Variants in LINGO3 observed in about 807,000 individuals in gnomAD.
LINGO3 encodes the protein leucine-rich repeat and immunoglobulin-like domain-containing nogo receptor-interacting protein 3.
For missense variants in LINGO3, 750 were observed against 867.7 expected (o/e 0.86, Z 1.70); for synonymous variants, 427 against 444.2 (o/e 0.96, Z 0.49).
the LINGO3 span, among the ~76,000 whole-genome samples, chr19:2,301,882 C>A: frequency 7.0e-6 from 1 of 142,396 alleles, no homozygotes; most frequent in Non-Finnish European, 1.5e-5. Context: ...GAGCTGAGAT[C>A]GCGCCACTGC....
At chr19:2,287,699 C>T (rs997597010), downstream of LINGO3, among the ~76,000 whole-genome samples, 1 of 152,182 alleles carries the variant, frequency 6.6e-6, no homozygotes, top group African/African-American at 2.4e-5. This position sits in a 1 kb window ranked among gnomAD's most constrained non-coding sequence, Gnocchi z 4.5. Context: ...CCAAGTCAAG[C>T]CATCAAGCTC....
the LINGO3 span, among the ~76,000 whole-genome samples, chr19:2,297,893 C>T: frequency 4.9e-4 from 74 of 151,852 alleles, no homozygotes; most frequent in African/African-American, 9.2e-4. Flanking sequence ...TGTGAGCCAC[C>T]GCGCCTGGCC....
chr19:2,299,806 CT>C, the LINGO3 span, among the ~76,000 whole-genome samples: 1 of 148,528 alleles, frequency 6.7e-6, no homozygotes, highest in African/African-American at 2.5e-5. Flanking sequence ...TCACTGCAAG[CT>C]TCGCCCCCTG....
downstream of LINGO3, chr19:2,289,651 T>A (rs560250478): frequency 5.3e-5 from 14 of 263,786 alleles, no homozygotes; most frequent in African/African-American, 2.9e-4. Context: ...TGGGTGTGAA[T>A]TGCGGGCCCT....
chr19:2,299,178 C>T, the LINGO3 span, among the ~76,000 whole-genome samples: 4 of 152,290 alleles, frequency 2.6e-5, no homozygotes, highest in South Asian at 8.3e-4. Context: ...CTGACTCCCC[C>T]ACTCGACGGC....
At chr19:2,292,356 C>A (rs1439864211), upstream of LINGO3, among the ~76,000 whole-genome samples, 1 of 139,860 alleles carries the variant, frequency 7.2e-6, no homozygotes, top group African/African-American at 2.7e-5. Context: ...TGTGATCGTG[C>A]CACTGCACTC....
the LINGO3 span, among the ~76,000 whole-genome samples, chr19:2,299,723 C>CTTTTT: frequency 1.2e-5 from 1 of 81,632 alleles, no homozygotes; most frequent in Non-Finnish European, 2.4e-5. Context: ...TGTGCCCTGC[C>CTTTTT]TTTTTTTTTT....
the LINGO3 span, among the ~76,000 whole-genome samples, chr19:2,302,177 T>G: frequency 6.9e-6 from 1 of 145,864 alleles, no homozygotes; most frequent in Non-Finnish European, 1.5e-5. Flanking sequence ...TTCTCCTGCC[T>G]CAGTCTCCTG....
the LINGO3 span, among the ~76,000 whole-genome samples, chr19:2,303,442 G>A: frequency 6.6e-6 from 1 of 152,120 alleles, no homozygotes; most frequent in Non-Finnish European, 1.5e-5. Flanking sequence ...ATGGGGAGCC[G>A]GGGTCAGCAG....
chr19:2,306,494 C>T, the LINGO3 span, among the ~76,000 whole-genome samples: 1 of 152,174 alleles, frequency 6.6e-6, no homozygotes, highest in Admixed American at 6.5e-5. Flanking sequence ...CTTCTATTCC[C>T]ACTCAGCAAG....
chr19:2,305,592 C>T, the LINGO3 span, among the ~76,000 whole-genome samples: 5 of 152,172 alleles, frequency 3.3e-5, no homozygotes, highest in Non-Finnish European at 5.9e-5. Context: ...CATCCCCCTC[C>T]AGTCCCCGCC....
chr19:2,291,514 T>G, exon 1 of LINGO3: 1 of 1,610,226 alleles, frequency 6.2e-7, no homozygotes, highest in South Asian at 1.1e-5. Context: ...CGCGATGGCG[T>G]TCTCGCTCAG....
At chr19:2,304,259 T>G in the LINGO3 span, among the ~76,000 whole-genome samples, 1 of 152,106 alleles carries the variant, frequency 6.6e-6, no homozygotes, top group Non-Finnish European at 1.5e-5. Context: ...GCTTTCTGTC[T>G]ATGGGCAAGA....
chr19:2,291,866 C>A, exon 1 of LINGO3: 1 of 1,170,776 alleles, frequency 8.5e-7, no homozygotes, highest in Non-Finnish European at 1.2e-6. Context: ...CCGTTAGCAC[C>A]CCTCCGCGGC....
At chr19:2,293,828 G>A (rs2025549318), upstream of LINGO3, among the ~76,000 whole-genome samples, 1 of 151,692 alleles carries the variant, frequency 6.6e-6, no homozygotes, top group African/African-American at 2.4e-5. Flanking sequence ...CGAGGTGGGT[G>A]GATCACCTGA....
At chr19:2,299,673 C>G in the LINGO3 span, among the ~76,000 whole-genome samples, 1 of 149,990 alleles carries the variant, frequency 6.7e-6, no homozygotes, top group African/African-American at 2.5e-5. Flanking sequence ...ATCCGCCCGC[C>G]TCTGCCTCCC....
chr19:2,306,993 C>G, the LINGO3 span, among the ~76,000 whole-genome samples: 2 of 152,140 alleles, frequency 1.3e-5, no homozygotes, highest in African/African-American at 4.8e-5. Context: ...CCTGCGTCCT[C>G]CACCTGACCA....
At chr19:2,289,844 A>C (rs1285904519) in exon 1 of LINGO3, 9 of 619,576 alleles carry the variant, frequency 1.5e-5, no homozygotes, top group Non-Finnish European at 2.2e-5. Context: ...GCTGATGAAA[A>C]ACAGTCCTGC....
At chr19:2,307,296 C>G in the LINGO3 span, among the ~76,000 whole-genome samples, 1 of 152,228 alleles carries the variant, frequency 6.6e-6, no homozygotes, top group Non-Finnish European at 1.5e-5. Context: ...GGCCGGGACA[C>G]CGGCACCGTT....
Sources: allele counts gnomAD v4.1 joint callset (sites outside exome capture counted in the v4.1 genomes callset), GRCh38; gene constraint gnomAD v4.1.1; non-coding constraint Gnocchi (gnomAD v3.1); transcripts MANE v1.5; gene names NCBI Gene and HGNC (gene_info 2026-07-23, HGNC 2026-07-21).